Variants in MAGI2 observed in about 807,000 individuals in gnomAD.
MAGI2 encodes the protein membrane-associated guanylate kinase, WW and PDZ domain-containing protein 2.
In MAGI2, 35 loss-of-function variants were observed where a neutral mutation model predicts 133.3. That is an observed-to-expected ratio of 0.26 (90% CI 0.20 to 0.35). The LOEUF (loss-of-function observed/expected upper bound fraction) is 0.35. MAGI2 is among the 10% of genes least tolerant of loss of function. The pLI, the probability that MAGI2 is intolerant of heterozygous loss-of-function variation, is 1.00. For missense variants in MAGI2, 1,636 were observed against 1,863.4 expected, an observed-to-expected ratio of 0.88 and a Z score of 2.25; for synonymous variants, 729 against 710.6, an observed-to-expected ratio of 1.03 and a Z score of -0.41.
intron 2 of MAGI2, among the ~76,000 whole-genome samples, chr7:78,658,342 G>A (rs976901096): frequency 2.6e-5 from 4 of 152,208 alleles, no homozygotes; most frequent in Admixed American, 2.6e-4. Flanking sequence ...TAACTCAAAT[G>A]GATTATGGAC....
intron 1 of MAGI2, among the ~76,000 whole-genome samples, chr7:79,054,900 C>G (rs920425428): frequency 6.6e-5 from 10 of 152,218 alleles, no homozygotes; most frequent in African/African-American, 1.9e-4. Context: ...AAGTGATTCT[C>G]TTGCCTCAGC....
intron 2 of MAGI2, among the ~76,000 whole-genome samples, chr7:78,974,715 A>T (rs374365496): frequency 1.3e-5 from 2 of 151,798 alleles, no homozygotes; most frequent in East Asian, 3.9e-4. Flanking sequence ...GCTCACAGAC[A>T]TCTAATCCTT....
chr7:78,459,069 C>T (rs1203008853), intron 6 of MAGI2, among the ~76,000 whole-genome samples: 6 of 152,188 alleles, frequency 3.9e-5, no homozygotes, highest in Non-Finnish European at 4.4e-5. Flanking sequence ...AGTACATTTG[C>T]ACTTTTTAAA....
rs140761463 is a variant in MAGI2, at chr7:78,282,856, C to T, written c.1409-26275G>A. ...GTTCAATTTTCAGCATTAAGAAGTCCTAAACATTAAACCAAAATGGATCCT... is the reference window on the plus strand; with the variant it reads ...GTTCAATTTTCAGCATTAAGAAGTCTTAAACATTAAACCAAAATGGATCCT... On this transcript the variant is annotated intron_variant, in intron 9 of 21. Transcript: ENST00000354212. Among the ~76,000 whole-genome samples, 187 of 152,064 alleles carry T rather than the reference C, an allele frequency of 1.2e-3. 3 individuals are homozygous for T. The East Asian group carries it at 0.031, about 25-fold the overall frequency.
intron 2 of MAGI2, among the ~76,000 whole-genome samples, chr7:78,977,413 C>T (rs1584556367): frequency 1.4e-5 from 2 of 144,736 alleles, no homozygotes; most frequent in African/African-American, 2.5e-5. Flanking sequence ...AAGAGAGCGA[C>T]AGAGAGAGAG....
intron 3 of MAGI2, chr7:78,621,151 C>T (rs1447689016): frequency 6.6e-6 from 1 of 151,854 alleles, no homozygotes; most frequent in Non-Finnish European, 1.5e-5. Flanking sequence ...ACTTGGAGTA[C>T]CTAACTTTTA....
chr7:79,392,241 C>T (rs1212734384), intron 1 of MAGI2, among the ~76,000 whole-genome samples: 1 of 152,100 alleles, frequency 6.6e-6, no homozygotes, highest in Non-Finnish European at 1.5e-5. Context: ...GCCACATTTT[C>T]TTTAACCAGT....
At position 79,443,583 on chromosome 7, in the gene MAGI2, A is replaced by G. The variant is rs139359129; in HGVS notation, c.301+9437T>C. 1.5e-3 allele frequency among the ~76,000 whole-genome samples: 226 copies of G among 152,278 alleles called. 1 individual carries two copies. The highest frequency in any genetic ancestry group is 2.7e-3 in the South Asian group (13 of 4,816). On this transcript the variant is annotated intron_variant, in intron 1 of 21. Coordinates refer to ENST00000354212, the MANE Select transcript of MAGI2 (RefSeq NM_012301.4). ...AGCACTTATTATCCTCCACATAGCAACACAAAATACTCATATAAGCAAAAA... is the reference window on the plus strand; with the variant it reads ...AGCACTTATTATCCTCCACATAGCAGCACAAAATACTCATATAAGCAAAAA...
At chr7:79,421,169 T>C (rs1846931996) in intron 1 of MAGI2, among the ~76,000 whole-genome samples, 1 of 152,000 alleles carries the variant, frequency 6.6e-6, no homozygotes, top group Non-Finnish European at 1.5e-5. Flanking sequence ...TAAATCTGTT[T>C]GACATTATTA....
At chr7:79,385,960 T>C (rs960367142) in intron 1 of MAGI2, among the ~76,000 whole-genome samples, 2 of 151,976 alleles carry the variant, frequency 1.3e-5, no homozygotes, top group African/African-American at 2.4e-5. Context: ...ATATGCACAA[T>C]AAAATTTATT....
intron 2 of MAGI2, among the ~76,000 whole-genome samples, chr7:78,956,175 A>G (rs1802363678): frequency 6.6e-6 from 1 of 152,046 alleles, no homozygotes; most frequent in Non-Finnish European, 1.5e-5. Flanking sequence ...AGAAGGTTGC[A>G]CTCTGCAATG....
intron 6 of MAGI2, among the ~76,000 whole-genome samples, chr7:78,450,303 A>G (rs183310118): frequency 5.9e-5 from 9 of 152,226 alleles, no homozygotes; most frequent in Non-Finnish European, 1.2e-4. Context: ...ATTTTAGGAT[A>G]TATTCTTTTG....
At position 78,497,766 on chromosome 7, in the gene MAGI2, T is replaced by TCTGTCTATCTATCTA. The variant is rs1385517709; in HGVS notation, c.965+3810_965+3811insTAGATAGATAGACAG. ...TATCTATCTATCTATCTATCTATCT[T>TCTGTCTATCTATCTA]TCTATCTTATACACAGAACCAAAGA... On this transcript the variant is annotated intron_variant, in intron 5 of 21. Coordinates refer to ENST00000354212, the MANE Select transcript of MAGI2 (RefSeq NM_012301.4). Among the ~76,000 whole-genome samples the TCTGTCTATCTATCTA allele has an allele frequency of 6.3e-3, 857 of 135,420 alleles. 12 individuals are homozygous for TCTGTCTATCTATCTA. Among genetic ancestry groups the TCTGTCTATCTATCTA allele is most frequent in the African/African-American group, 0.022 (807 of 37,532 alleles). The allele number at this position is 135,420 out of a possible 152,430, so 88.8% of individuals were successfully genotyped here. A position where few individuals can be genotyped will look rare whatever the true frequency, so the allele number is the denominator to read the frequency against.
intron 3 of MAGI2, among the ~76,000 whole-genome samples, chr7:78,541,405 G>A (rs772159824): frequency 3.3e-5 from 5 of 152,156 alleles, no homozygotes; most frequent in Admixed American, 2.6e-4. Context: ...TTATCATTAA[G>A]CTTTGTTTTC....
intron 1 of MAGI2, among the ~76,000 whole-genome samples, chr7:79,170,965 T>C (rs1031773863): frequency 2.0e-5 from 3 of 152,264 alleles, no homozygotes; most frequent in Admixed American, 6.6e-5. Flanking sequence ...ATTCTTTTTA[T>C]TGGGCAGTCA....
chr7:78,473,019 C>T (rs1178209854), intron 6 of MAGI2, among the ~76,000 whole-genome samples: 1 of 152,068 alleles, frequency 6.6e-6, no homozygotes, highest in Non-Finnish European at 1.5e-5. Flanking sequence ...TATTATACCT[C>T]TCAGAGCCGT....
At chr7:78,020,428 G>C (rs1053615899) in intron 21 of MAGI2, among the ~76,000 whole-genome samples, 2 of 152,144 alleles carry the variant, frequency 1.3e-5, no homozygotes. Context: ...GCAGCACGGG[G>C]CCCAGGAAGT....
chr7:79,040,448 T>A (rs899837380), intron 1 of MAGI2, among the ~76,000 whole-genome samples: 3 of 152,132 alleles, frequency 2.0e-5, no homozygotes, highest in Non-Finnish European at 4.4e-5. Flanking sequence ...AGGGTGGTTA[T>A]CAGAGGCTGG....
chr7:79,218,121 A>G (rs976715444), intron 1 of MAGI2, among the ~76,000 whole-genome samples: 1 of 152,172 alleles, frequency 6.6e-6, no homozygotes, highest in Admixed American at 6.5e-5. Context: ...GAGAGTGGCT[A>G]TACTACAGAA....
Sources: allele counts gnomAD v4.1 joint callset (sites outside exome capture counted in the v4.1 genomes callset), GRCh38; gene constraint gnomAD v4.1.1; transcripts MANE v1.5; gene names NCBI Gene and HGNC (gene_info 2026-07-23, HGNC 2026-07-21).